Variants in GARNL3 observed in about 807,000 individuals in gnomAD.
GARNL3 encodes GTPase-activating Rap/Ran-GAP domain-like protein 3.
In GARNL3, 63 loss-of-function variants were observed where a neutral mutation model predicts 125.0. That is an observed-to-expected ratio of 0.50 (90% CI 0.41 to 0.62). GARNL3 has a LOEUF of 0.62. Among genes scored for constraint, GARNL3 ranks in the 20% least tolerant of loss-of-function variants. The pLI is 0.00. For missense variants in GARNL3, 994 were observed against 1,244.0 expected (o/e 0.80, Z 3.02); for synonymous variants, 439 against 457.5 (o/e 0.96, Z 0.52).
rs1225395827 is a variant in GARNL3, at chr9:127,344,273, A to G, written c.1290A>G (p.Pro430=). The G allele has an allele frequency of 6.2e-7, 1 of 1,614,002 alleles. No individual in the cohort carries two copies. The highest frequency in any genetic ancestry group is 1.7e-5 in the Admixed American group (1 of 59,998). The change falls in exon 15 of 28, where the codon CCA becomes CCG. Residue 430 remains proline (P), a synonymous_variant. Transcript: ENST00000373387. ...GACGATCTTTTAGTGATGTCTTACC[A>G]GAGTCACCCAAGTCAGCGCGGAAGA... ...LNRRSFSDVL[P]ESPKSARKKE...
At chr9:127,335,397 C>A (rs1829495067) in intron 10 of GARNL3, 64 bp downstream of exon 10, 1 of 1,264,482 alleles carries the variant, frequency 7.9e-7, no homozygotes, top group Non-Finnish European at 1.2e-6. Flanking sequence ...CATTATGATT[C>A]CATAGAATTA....
chr9:127,257,115 T>G (rs964093342), intron 2 of GARNL3, among the ~76,000 whole-genome samples: 1 of 152,246 alleles, frequency 6.6e-6, no homozygotes, highest in Non-Finnish European at 1.5e-5. Context: ...TTTGTTCCTT[T>G]TAATTGCTCA....
chr9:127,357,427 CGTT>C, intron 21 of GARNL3, 50 bp downstream of exon 21: 12 of 1,567,528 alleles, frequency 7.7e-6, no homozygotes, highest in Non-Finnish European at 1.0e-5. Context: ...GAGTAATCAT[CGTT>C]GTGTATTCTA....
intron 1 of GARNL3, among the ~76,000 whole-genome samples, chr9:127,285,124 T>C (rs2064210377): frequency 6.6e-6 from 1 of 152,246 alleles, no homozygotes; most frequent in Non-Finnish European, 1.5e-5. Flanking sequence ...TTTTATTTTA[T>C]ATTGTTCTGT....
chr9:127,391,533 A>AAAAAAAAAAAAAAAAATATATATATATAT, intron 27 of GARNL3, among the ~76,000 whole-genome samples: 5 of 75,870 alleles, frequency 6.6e-5, no homozygotes, highest in Non-Finnish European at 1.3e-4. Flanking sequence ...ACAAAAAAAA[A>AAAAAAAAAAAAAAAAATATATATATATAT]ATATATATAT....
intron 4 of GARNL3, among the ~76,000 whole-genome samples, chr9:127,315,105 T>TC (rs113523869): frequency 1.7e-4 from 26 of 152,286 alleles, no homozygotes; most frequent in African/African-American, 5.1e-4. Flanking sequence ...CAACACCTCT[T>TC]CCCTTGGCCT....
intron 2 of GARNL3, among the ~76,000 whole-genome samples, chr9:127,301,598 A>G (rs1184806895): frequency 6.6e-6 from 1 of 152,160 alleles, no homozygotes; most frequent in Non-Finnish European, 1.5e-5. Context: ...TTTTGTATCT[A>G]AGTGAAGGAT....
chr9:127,389,514 T>G (rs893031410), intron 26 of GARNL3, among the ~76,000 whole-genome samples: 6 of 152,208 alleles, frequency 3.9e-5, no homozygotes, highest in Non-Finnish European at 7.3e-5. Context: ...AAAGTGGAAA[T>G]GTACCATGTT....
chr9:127,262,376 T>G (rs541102778), upstream of GARNL3, among the ~76,000 whole-genome samples: 74 of 152,318 alleles, frequency 4.9e-4, no homozygotes, highest in African/African-American at 1.7e-3. Context: ...TTTTCCATCT[T>G]GAAGCTCTGC....
At chr9:127,325,682 C>T (rs543005383) in intron 7 of GARNL3, among the ~76,000 whole-genome samples, 1 of 152,256 alleles carries the variant, frequency 6.6e-6, no homozygotes, top group African/African-American at 2.4e-5. Flanking sequence ...CTATATCTAA[C>T]CTATCAGCAC....
At chr9:127,240,922 T>A (rs2063192326) in intron 1 of GARNL3, among the ~76,000 whole-genome samples, 1 of 152,250 alleles carries the variant, frequency 6.6e-6, no homozygotes, top group African/African-American at 2.4e-5. Flanking sequence ...AAATTTTTTT[T>A]AATTAAAATC....
rs753680135 is a variant in GARNL3, at chr9:127,354,325, A to G, written c.1674A>G (p.Leu558=). 8 of 1,613,708 alleles carry G rather than the reference A, an allele frequency of 5.0e-6. No individual in the cohort carries two copies. The highest frequency in any genetic ancestry group is 3.3e-5 in the South Asian group (3 of 91,058). The change falls in exon 19 of 28, where the codon CTA becomes CTG. Residue 558 remains leucine, a synonymous_variant. Coordinates refer to ENST00000373387, the MANE Select transcript of GARNL3 (RefSeq NM_032293.5). ...GKDARLFVFR[L]SALQKGLEGK... The stretch of plus-strand genomic sequence containing the variant: ...ATGCTCGCCTCTTTGTCTTCAGGCT[A>G]AGTGCTCTGCAAAAGGGCCTTGAGG...
intron 17 of GARNL3, among the ~76,000 whole-genome samples, chr9:127,349,440 A>G: frequency 6.6e-6 from 1 of 152,372 alleles, no homozygotes; most frequent in East Asian, 1.9e-4. Context: ...TTCTGATTCA[A>G]AAAGTACTGA....
chr9:127,311,585 T>G, intron 2 of GARNL3, 51 bp from the exon 3 acceptor site: 3 of 1,262,700 alleles, frequency 2.4e-6, no homozygotes, highest in Non-Finnish European at 3.5e-6. Context: ...GCCAGGTTCA[T>G]GTTTACTTTC....
intron 2 of GARNL3, chr9:127,245,441 C>T (rs113460581): frequency 1.3e-5 from 2 of 152,304 alleles, no homozygotes; most frequent in Admixed American, 1.3e-4. Flanking sequence ...CACCTCCGTC[C>T]TTAGGAAGGA....
chr9:127,225,553 G>A (rs1481300255), intron 1 of GARNL3: 1 of 209,582 alleles, frequency 4.8e-6, no homozygotes, highest in Non-Finnish European at 8.3e-6. Context: ...CTGAACGGCC[G>A]TGGGCTGTGG....
At chr9:127,297,893 C>G (rs2064652763) in intron 2 of GARNL3, among the ~76,000 whole-genome samples, 1 of 152,218 alleles carries the variant, frequency 6.6e-6, no homozygotes, top group Non-Finnish European at 1.5e-5. Context: ...CAGCACCTGA[C>G]TTAAAGTTTA....
chr9:127,250,480 C>A (rs996288463), intron 2 of GARNL3, among the ~76,000 whole-genome samples: 2 of 152,188 alleles, frequency 1.3e-5, no homozygotes, highest in Non-Finnish European at 2.9e-5. Context: ...AGGGCAGCCC[C>A]TCTGCTAACA....
rs139634353 is a variant in GARNL3 at position 127,364,972 on chromosome 9, G to C, written c.2095-328G>C. On this transcript the variant is annotated intron_variant, in intron 21 of 27. Coordinates refer to ENST00000373387, the MANE Select transcript of GARNL3 (RefSeq NM_032293.5). This position sits in a 1 kb window ranked among gnomAD's most constrained non-coding sequence, Gnocchi z 4.2. ...GCAGTTTTTGCCATTGGAAATAATG[G>C]CATATAAACCTGAGGCATTTCAATA... The C allele has an allele frequency of 3.7e-6, 1 of 273,830 alleles. No homozygotes were observed. The highest frequency in any genetic ancestry group is 2.2e-5 in the African/African-American group (1 of 45,290). The allele number at this position is 273,830 out of a possible 1,614,324, so 17.0% of individuals were successfully genotyped here. A position where few individuals can be genotyped will look rare whatever the true frequency, so the allele number is the denominator to read the frequency against.
Sources: gnomAD v4.1 joint callset for allele counts (sites outside exome capture counted in the v4.1 genomes callset) on GRCh38, gnomAD v4.1.1 for gene constraint, Gnocchi (gnomAD v3.1) non-coding constraint, MANE v1.5 for transcripts, NCBI Gene and HGNC (gene_info 2026-07-23, HGNC 2026-07-21) for gene names.